CHST9: variants seen among roughly 807,000 people sequenced by gnomAD.
The protein encoded by CHST9 is GalNAc-4-sulfotransferase 2.
A neutral mutation model predicts 44.4 loss-of-function variants in CHST9; 41 were observed. That is an observed-to-expected ratio of 0.92 (90% confidence interval 0.72 to 1.20). The LOEUF is 1.20. Ranked by LOEUF, CHST9 falls within the 50% of genes most tolerant of loss-of-function variation. The pLI is 0.00. For synonymous variants in CHST9, 171 were observed against 178.4 expected, an observed-to-expected ratio of 0.96 and a Z score of 0.33; for missense variants, 504 against 516.5, an observed-to-expected ratio of 0.98 and a Z score of 0.23.
chr18:26,953,551 C>G (rs1201797809), intron 4 of CHST9, among the ~76,000 whole-genome samples: 1 of 151,758 alleles, frequency 6.6e-6, no homozygotes, highest in East Asian at 1.9e-4. Flanking sequence ...GGGGCCTAGA[C>G]TAGGGAGGTA....
intron 2 of CHST9, among the ~76,000 whole-genome samples, chr18:27,053,064 T>C (rs570370900): frequency 4.9e-5 from 7 of 142,214 alleles, no homozygotes; most frequent in African/African-American, 1.9e-4. Flanking sequence ...GTTCAGCACA[T>C]GTATCCCAGA....
Position 26,911,474 on chromosome 18 carries a change from C to G in CHST9, c.*4785G>C, listed in dbSNP as rs2055439529. ...ATGCATGTTACACCAGGGGAAAACTCTGCTGTCTTTTTCTGCCTATCAGGG... is the reference window on the plus strand; with the variant it reads ...ATGCATGTTACACCAGGGGAAAACTGTGCTGTCTTTTTCTGCCTATCAGGG... On this transcript the variant is annotated 3_prime_UTR_variant, in exon 6 of 6. Transcript: ENST00000618847. 1 of 152,168 alleles carries G rather than the reference C, an allele frequency of 6.6e-6. No individual in the cohort carries two copies. 9.4% of individuals were successfully genotyped at this position (152,168 alleles called of 1,614,324 possible).
chr18:27,102,172 T>C (rs2058179488), intron 2 of CHST9, among the ~76,000 whole-genome samples: 1 of 152,194 alleles, frequency 6.6e-6, no homozygotes, highest in Non-Finnish European at 1.5e-5. Flanking sequence ...GATGATCAAG[T>C]TTTATTTGAA....
intron 1 of CHST9, among the ~76,000 whole-genome samples, chr18:27,170,150 T>C (rs934432536): frequency 6.6e-6 from 1 of 152,208 alleles, no homozygotes; most frequent in Non-Finnish European, 1.5e-5. Context: ...AATTCCCTTT[T>C]ATTTTCCTTA....
At chr18:27,011,976 C>T (rs2057090457) in intron 4 of CHST9, among the ~76,000 whole-genome samples, 1 of 152,198 alleles carries the variant, frequency 6.6e-6, no homozygotes, top group East Asian at 1.9e-4. Flanking sequence ...AAGCAAGCTC[C>T]TCCTCTTTTG....
At chr18:27,096,925 A>G (rs751769601) in intron 2 of CHST9, among the ~76,000 whole-genome samples, 17 of 152,084 alleles carry the variant, frequency 1.1e-4, no homozygotes, top group Non-Finnish European at 8.8e-5. Flanking sequence ...AACTCACTCT[A>G]TGAAGCCAGC....
At chr18:26,930,212 G>A (rs188026716) in intron 5 of CHST9, among the ~76,000 whole-genome samples, 4 of 152,298 alleles carry the variant, frequency 2.6e-5, no homozygotes, top group Admixed American at 2.0e-4. Flanking sequence ...GTGTTACCTG[G>A]GCCCTGAGTT....
chr18:26,990,289 A>G (rs1171503978), intron 4 of CHST9, among the ~76,000 whole-genome samples: 1 of 152,214 alleles, frequency 6.6e-6, no homozygotes, highest in Non-Finnish European at 1.5e-5. Context: ...TTTGTTGTAT[A>G]TTAATTATAC....
At chr18:27,093,509 G>A (rs1270998587) in intron 2 of CHST9, among the ~76,000 whole-genome samples, 4 of 152,190 alleles carry the variant, frequency 2.6e-5, no homozygotes, top group African/African-American at 7.2e-5. Flanking sequence ...AGACTGCTGC[G>A]CTAGCAGTGA....
At chr18:26,950,373 A>G (rs1344385069) in intron 4 of CHST9, among the ~76,000 whole-genome samples, 1 of 152,220 alleles carries the variant, frequency 6.6e-6, no homozygotes, top group Non-Finnish European at 1.5e-5. Flanking sequence ...AGCTACTCTT[A>G]AGACATAGAA....
intron 2 of CHST9, among the ~76,000 whole-genome samples, chr18:27,050,542 G>A (rs1474422202): frequency 6.6e-6 from 1 of 152,118 alleles, no homozygotes; most frequent in Admixed American, 6.6e-5. Context: ...CATATAAGGT[G>A]GAAAATGTAC....
intron 4 of CHST9, among the ~76,000 whole-genome samples, chr18:26,987,881 T>A (rs889649092): frequency 6.6e-6 from 1 of 152,188 alleles, no homozygotes; most frequent in Non-Finnish European, 1.5e-5. Flanking sequence ...CACTGGAATC[T>A]GACCATGCTC....
At chr18:27,022,270 C>T (rs1400995282) in intron 4 of CHST9, among the ~76,000 whole-genome samples, 1 of 152,088 alleles carries the variant, frequency 6.6e-6, no homozygotes, top group African/African-American at 2.4e-5. Context: ...AAAATGGGAG[C>T]TTTCAGGCAT....
intron 2 of CHST9, among the ~76,000 whole-genome samples, chr18:27,052,292 GTA>G (rs1568150370): frequency 6.8e-6 from 1 of 147,000 alleles, no homozygotes; most frequent in African/African-American, 2.5e-5. Context: ...ATATATGTGT[GTA>G]TATATGTATA....
At chr18:27,028,097 G>C (rs1427408059) in intron 3 of CHST9, among the ~76,000 whole-genome samples, 2 of 151,980 alleles carry the variant, frequency 1.3e-5, no homozygotes, top group African/African-American at 4.8e-5. Flanking sequence ...TGTATTTTTA[G>C]TGGAGATGGA....
chr18:27,032,223 G>A (rs976334359), intron 3 of CHST9, among the ~76,000 whole-genome samples: 1 of 152,116 alleles, frequency 6.6e-6, no homozygotes, highest in Non-Finnish European at 1.5e-5. Context: ...GCCTGTGACT[G>A]GCACACAGAA....
intron 2 of CHST9, among the ~76,000 whole-genome samples, chr18:27,074,047 T>C (rs1190663499): frequency 6.6e-6 from 1 of 152,190 alleles, no homozygotes; most frequent in Non-Finnish European, 1.5e-5. Flanking sequence ...TAAAGCAGCA[T>C]ATATTTGGCA....
At chr18:27,142,571 A>G (rs973581458) in intron 2 of CHST9, 118 bp downstream of exon 2, 1 of 728,614 alleles carries the variant, frequency 1.4e-6, no homozygotes, top group Non-Finnish European at 2.0e-6. Flanking sequence ...CTTATGACTC[A>G]TTTTTTGTTG....
In CHST9 at chr18:27,035,423, G is replaced by A. The variant is rs1182074735; in HGVS notation, c.161-11266C>T. On this transcript the variant is annotated intron_variant, in intron 3 of 5. Transcript: ENST00000618847. ...ATTGCAGCATTATTCAAAATAGCTA[G>A]GATATGGAAACAATCTAAATGTCTA... 3.9e-5 allele frequency among the ~76,000 whole-genome samples: 6 copies of A among 152,054 alleles called. No individual in the cohort carries two copies. The East Asian group carries it at 1.2e-3, about 29-fold the overall frequency.
Sources: allele counts gnomAD v4.1 joint callset (sites outside exome capture counted in the v4.1 genomes callset), GRCh38; gene constraint gnomAD v4.1.1; transcripts MANE v1.5; gene names NCBI Gene and HGNC (gene_info 2026-07-23, HGNC 2026-07-21).